Variants in DAB1 observed in about 807,000 individuals in gnomAD.
DAB1 encodes disabled homolog 1.
In DAB1, 15 loss-of-function variants were observed where a neutral mutation model predicts 64.6. The ratio of observed to expected loss-of-function variants is 0.23; its 90% CI spans 0.16 to 0.36. The LOEUF is 0.36. DAB1 is among the 10% of genes least tolerant of loss of function. DAB1 has a pLI of 1.00. For missense variants in DAB1, 596 were observed against 706.7 expected (o/e 0.84, Z 1.78); for synonymous variants, 235 against 251.9 (o/e 0.93, Z 0.64).
chr1:58,012,784 G>A (rs1220834843), intron 5 of DAB1, among the ~76,000 whole-genome samples: 1 of 152,190 alleles, frequency 6.6e-6, no homozygotes, highest in Non-Finnish European at 1.5e-5. Context: ...CCAGAACAGT[G>A]AGAAATGAAT....
chr1:57,461,906 T>G, intron 7 of DAB1, among the ~76,000 whole-genome samples: 1 of 145,746 alleles, frequency 6.9e-6, no homozygotes, highest in South Asian at 2.2e-4. Flanking sequence ...GAGGTGGGAG[T>G]GGAGGGAAAT....
At chr1:57,553,418 G>GAA (rs1306662703) in intron 7 of DAB1, among the ~76,000 whole-genome samples, 722 of 12,754 alleles carry the variant, frequency 0.057, 89 homozygotes, top group East Asian at 0.29. Context: ...AAGAAAGAAA[G>GAA]AAAGAAAGAA....
intron 1 of DAB1, among the ~76,000 whole-genome samples, chr1:57,359,984 T>A (rs547802967): frequency 2.0e-4 from 31 of 152,046 alleles, no homozygotes; most frequent in Admixed American, 8.5e-4. Context: ...TTATACATAA[T>A]CACAGTTAGA....
At position 57,071,488 on chromosome 1, in the gene DAB1, G is replaced by T. The variant is rs746590813; in HGVS notation, c.558+34C>A. 2.5e-6 allele frequency: 4 copies of T among 1,593,996 alleles called. No homozygotes were observed. In the African/African-American group the frequency reaches 4.1e-5, roughly 16 times the overall value. ...TTTACATGTGTTTATTTGAAGGCCCGATCTCCAGCGCAAGGATAAATTCAC... is the reference window on the plus strand; with the variant it reads ...TTTACATGTGTTTATTTGAAGGCCCTATCTCCAGCGCAAGGATAAATTCAC... On this transcript the variant is annotated intron_variant, in intron 6 of 14. Coordinates refer to ENST00000371236, the MANE Select transcript of DAB1 (RefSeq NM_001365792.1).
chr1:58,093,927 A>G lies in DAB1; in HGVS notation n.387+56584T>C, dbSNP rs1204704858. Among the ~76,000 whole-genome samples, 8 of 151,928 alleles carry G rather than the reference A, an allele frequency of 5.3e-5. 1 individual carries two copies. The highest frequency in any genetic ancestry group is 3.9e-4 in the Admixed American group (6 of 15,266). On this transcript the variant is annotated intron_variant and non_coding_transcript_variant, in intron 5 of 20. Coordinates refer to the DAB1 transcript ENST00000485760. ...CCCTTTGCTTGCTCTGCTCTGTACT[A>G]CAGAATCCTGATCCCTGCAGGCTAT... is the stretch of plus-strand genomic sequence containing the variant.
intron 6 of DAB1, among the ~76,000 whole-genome samples, chr1:57,735,832 G>T (rs1269490082): frequency 6.6e-6 from 1 of 151,962 alleles, no homozygotes; most frequent in Non-Finnish European, 1.5e-5. Context: ...AAAAAATGTG[G>T]CTTCTTAATC....
At chr1:58,350,589 TAGGTCTTACGTTTA>T (rs2100514650) in intron 3 of DAB1, among the ~76,000 whole-genome samples, 1 of 152,344 alleles carries the variant, frequency 6.6e-6, no homozygotes, top group African/African-American at 2.4e-5. Context: ...TTTATGGTTT[TAGGTCTTACGTTTA>T]AGTCTTTAAT....
At chr1:57,365,344 A>C (rs1353756527) in intron 1 of DAB1, among the ~76,000 whole-genome samples, 1 of 143,054 alleles carries the variant, frequency 7.0e-6, no homozygotes, top group Non-Finnish European at 1.5e-5. Context: ...AATATATATA[A>C]ATATATATTT....
chr1:57,505,374 CAT>C (rs1338865943), intron 7 of DAB1, among the ~76,000 whole-genome samples: 1 of 152,124 alleles, frequency 6.6e-6, no homozygotes, highest in African/African-American at 2.4e-5. Flanking sequence ...TGCCTTAAGT[CAT>C]AGTTAATAAA....
At chr1:57,669,225 G>C (rs1646482394) in intron 6 of DAB1, among the ~76,000 whole-genome samples, 1 of 152,106 alleles carries the variant, frequency 6.6e-6, no homozygotes, top group Non-Finnish European at 1.5e-5. Flanking sequence ...GAGACAGGAA[G>C]AGAGAGTTTT....
intron 4 of DAB1, among the ~76,000 whole-genome samples, chr1:58,327,445 G>A (rs1260458340): frequency 6.6e-6 from 1 of 152,176 alleles, no homozygotes; most frequent in East Asian, 1.9e-4. Flanking sequence ...CAGTGTCAGT[G>A]ACAAGCAGTG....
At chr1:58,067,088 C>T (rs1382954194) in intron 5 of DAB1, among the ~76,000 whole-genome samples, 1 of 152,190 alleles carries the variant, frequency 6.6e-6, no homozygotes, top group Non-Finnish European at 1.5e-5. Flanking sequence ...ATTCCACAAG[C>T]ATCAGACCCT....
chr1:57,224,124 C>T (rs1174229802), intron 2 of DAB1, among the ~76,000 whole-genome samples: 1 of 152,156 alleles, frequency 6.6e-6, no homozygotes, highest in East Asian at 1.9e-4. Flanking sequence ...GGCACCATAT[C>T]AGGCTTACTC....
At chr1:57,718,212 C>A (rs546335431) in intron 6 of DAB1, among the ~76,000 whole-genome samples, 11 of 152,078 alleles carry the variant, frequency 7.2e-5, no homozygotes, top group Non-Finnish European at 1.6e-4. Context: ...ACAGTAATTA[C>A]CCTCATTTAA....
chr1:57,383,460 G>A (rs1172001964), intron 1 of DAB1, among the ~76,000 whole-genome samples: 3 of 152,044 alleles, frequency 2.0e-5, no homozygotes, highest in African/African-American at 4.8e-5. Context: ...GAACCTCAAC[G>A]TTTTCATGGG....
intron 4 of DAB1, among the ~76,000 whole-genome samples, chr1:57,131,597 C>T (rs1657655301): frequency 6.6e-6 from 1 of 152,212 alleles, no homozygotes; most frequent in Non-Finnish European, 1.5e-5. Flanking sequence ...CTCTCCAAAC[C>T]TTGCTCAAAA....
Position 57,650,399 on chromosome 1 carries a change from G to A in DAB1, n.552-734C>T, listed in dbSNP as rs75791190. 3.2e-3 allele frequency among the ~76,000 whole-genome samples: 493 copies of A among 152,088 alleles called. 2 individuals are homozygous for A. Among genetic ancestry groups the A allele is most frequent in the African/African-American group, 0.01 (434 of 41,492 alleles). Reference sequence around the variant, plus strand: ...GAGGAAACAATTATGAATGCAGACCGGTATTTACGTACAGGGATATTCATC... The same window carrying A: ...GAGGAAACAATTATGAATGCAGACCAGTATTTACGTACAGGGATATTCATC... On this transcript the variant is annotated intron_variant and non_coding_transcript_variant, in intron 6 of 20. Coordinates refer to the DAB1 transcript ENST00000485760.
At chr1:57,103,994 TAGA>T (rs1424579625) in intron 4 of DAB1, among the ~76,000 whole-genome samples, 6 of 152,072 alleles carry the variant, frequency 3.9e-5, no homozygotes, top group East Asian at 1.9e-4. Flanking sequence ...CTGTGCAAAC[TAGA>T]AGGACAGTAC....
chr1:58,451,831 CAT>C (rs1645139856), intron 3 of DAB1, among the ~76,000 whole-genome samples: 1 of 151,796 alleles, frequency 6.6e-6, no homozygotes, highest in East Asian at 1.9e-4. Context: ...TTGCAGCTCA[CAT>C]ACTCAGTGTA....
Sources: gnomAD v4.1 joint callset for allele counts (sites outside exome capture counted in the v4.1 genomes callset) on GRCh38, gnomAD v4.1.1 for gene constraint, MANE v1.5 for transcripts, NCBI Gene and HGNC (gene_info 2026-07-23, HGNC 2026-07-21) for gene names.